Variants in TJP2 observed in about 807,000 individuals in gnomAD.
TJP2 encodes the protein Friedreich ataxia region gene X104 (tight junction protein ZO-2).
A neutral mutation model predicts 133.1 loss-of-function variants in TJP2; 91 were observed. That is an observed-to-expected ratio of 0.68 (90% CI 0.58 to 0.81). TJP2 has a LOEUF of 0.81. TJP2 is among the 40% of genes least tolerant of loss of function. The probability of loss-of-function intolerance (pLI) is 0.00; values close to 1 mark genes in which losing one functional copy is unlikely to be tolerated. For missense variants in TJP2, 1,541 were observed against 1,565.6 expected (o/e 0.98, Z 0.26); for synonymous variants, 592 against 583.4 (o/e 1.01, Z -0.21).
Position 69,237,938 on chromosome 9 carries a change from T to C in TJP2, c.2240T>C (p.Leu747Ser), listed in dbSNP as rs974027851. Residue 747 changes from leucine to serine, a missense_variant, in exon 15 of 23, where the codon TTG (leucine) becomes TCG (serine). Coordinates refer to ENST00000377245, the MANE Select transcript of TJP2 (RefSeq NM_004817.4). ...GPIADIAMEKLANELPDWFQT... is the reference protein window; with the variant it reads ...GPIADIAMEKSANELPDWFQT... ...ATAGCTGATATAGCAATGGAAAAAT[T>C]GGCTAATGAGTTACCTGACTGGTTT... The C allele has an allele frequency of 6.2e-7, 1 of 1,613,934 alleles. No homozygotes were observed. The highest frequency in any genetic ancestry group is 1.3e-5 in the African/African-American group (1 of 75,050).
intron 1 of TJP2, among the ~76,000 whole-genome samples, chr9:69,143,959 T>C (rs1023108803): frequency 6.6e-6 from 1 of 152,192 alleles, no homozygotes; most frequent in Non-Finnish European, 1.5e-5. Context: ...AGATATTAGT[T>C]CTCAAGGTAA....
rs752167675 is a variant in TJP2, at chr9:69,254,472, C to T, written c.*98C>T. On this transcript the variant is annotated 3_prime_UTR_variant, in exon 23 of 23. Coordinates refer to ENST00000377245, the MANE Select transcript of TJP2 (RefSeq NM_004817.4). ...TGGTTCTTCTCCAGTTAGAATGCAC[C>T]ATGGAGACGTGGTGGGACTCCAGCT... 6.7e-7 allele frequency: 1 copy of T among 1,501,624 alleles called. No homozygotes were observed. 93.0% of individuals were successfully genotyped at this position (1,501,624 alleles called of 1,614,324 possible). A position where few individuals can be genotyped will look rare whatever the true frequency, so the allele number is the denominator to read the frequency against.
chr9:69,218,325 A>G lies in TJP2; in HGVS notation c.308A>G (p.Gln103Arg), dbSNP rs778603249. 6.8e-6 allele frequency: 11 copies of G among 1,614,122 alleles called. No individual in the cohort carries two copies. Among genetic ancestry groups the G allele is most frequent in the Non-Finnish European group, 8.5e-6 (10 of 1,180,060 alleles). The change falls in exon 4 of 23, where the codon CAG becomes CGG. Residue 103 changes from glutamine to arginine, a missense_variant. Transcript: ENST00000377245. ...MEDVLHSFAVQQLRKSGKVAA... is the reference protein window; with the variant it reads ...MEDVLHSFAVRQLRKSGKVAA... ...GATGTGCTTCATTCGTTTGCAGTTC[A>G]GCAGCTCAGAAAAAGTGGGAAGGTC...
chr9:69,161,531 C>T (rs1342952350), intron 2 of TJP2, among the ~76,000 whole-genome samples: 1 of 151,948 alleles, frequency 6.6e-6, no homozygotes, highest in African/African-American at 2.4e-5. Context: ...CCGGCCTGAT[C>T]TGTGTTTTAT....
chr9:69,235,489 A>AT (rs1211594369), intron 12 of TJP2, among the ~76,000 whole-genome samples: 2 of 151,620 alleles, frequency 1.3e-5, no homozygotes, highest in Non-Finnish European at 2.9e-5. Flanking sequence ...CGCCCGGCTA[A>AT]TTTTTTGTAT....
chr9:69,130,325 A>T (rs1178438312), intron 1 of TJP2, among the ~76,000 whole-genome samples: 1 of 152,186 alleles, frequency 6.6e-6, no homozygotes, highest in African/African-American at 2.4e-5. Context: ...CTGGATTTAG[A>T]AAAAGAAAAC....
chr9:69,243,103 A>G (rs1830684457), intron 17 of TJP2, among the ~76,000 whole-genome samples: 2 of 152,150 alleles, frequency 1.3e-5, no homozygotes, highest in Admixed American at 6.5e-5. Flanking sequence ...GGCTCAAGCA[A>G]TCTGCCCGTG....
intron 1 of TJP2, among the ~76,000 whole-genome samples, chr9:69,198,415 T>G (rs1355056946): frequency 2.0e-5 from 3 of 152,238 alleles, no homozygotes; most frequent in Admixed American, 6.5e-5. Flanking sequence ...GTGCTGGGAT[T>G]ACAGGCGTGA....
chr9:69,218,463 T>C, intron 4 of TJP2, 104 bp downstream of exon 4: 1 of 817,612 alleles, frequency 1.2e-6, no homozygotes, highest in South Asian at 1.4e-5. Context: ...TTACATAACC[T>C]AGGGACCGCT....
chr9:69,188,996 G>C (rs1273380004), intron 1 of TJP2, among the ~76,000 whole-genome samples: 1 of 152,180 alleles, frequency 6.6e-6, no homozygotes, highest in African/African-American at 2.4e-5. Context: ...AGTTACCTTG[G>C]GGTCAAAGTA....
chr9:69,211,890 A>G (rs1827940800), intron 1 of TJP2, among the ~76,000 whole-genome samples: 1 of 151,714 alleles, frequency 6.6e-6, no homozygotes, highest in African/African-American at 2.4e-5. Context: ...TGTGGTTCTG[A>G]GTGTTCTTGG....
intron 13 of TJP2, 57 bp from the exon 14 acceptor site, chr9:69,236,892 T>TG: frequency 6.4e-7 from 1 of 1,567,340 alleles, no homozygotes; most frequent in Non-Finnish European, 8.8e-7. Flanking sequence ...ATTAATGAAA[T>TG]GCATGTTAGC....
chr9:69,220,035 C>T (rs1486750845), intron 4 of TJP2, among the ~76,000 whole-genome samples: 2 of 152,114 alleles, frequency 1.3e-5, no homozygotes, highest in Non-Finnish European at 2.9e-5. Flanking sequence ...CCTGTAATCC[C>T]AGCTATCGGG....
At chr9:69,219,581 T>A (rs1048025674) in intron 4 of TJP2, among the ~76,000 whole-genome samples, 1 of 152,188 alleles carries the variant, frequency 6.6e-6, no homozygotes, top group African/African-American at 2.4e-5. Context: ...ATCCAGTCCA[T>A]ATCTCAAGAT....
At chr9:69,250,015 A>G (rs977767420) in intron 20 of TJP2, among the ~76,000 whole-genome samples, 2 of 152,210 alleles carry the variant, frequency 1.3e-5, no homozygotes, top group African/African-American at 2.4e-5. Context: ...ATATCAAAAG[A>G]TTATTTACCT....
Position 69,237,988 on chromosome 9 carries a change from GT to G in TJP2, c.2275+24del, listed in dbSNP as rs749189119. 99 of 1,575,782 alleles carry G rather than the reference GT, an allele frequency of 6.3e-5. No individual in the cohort carries two copies. Among genetic ancestry groups the G allele is most frequent in the Middle Eastern group, 1.7e-4 (1 of 5,876 alleles). On this transcript the variant is annotated intron_variant, in intron 15 of 22. Coordinates refer to ENST00000377245, the MANE Select transcript of TJP2 (RefSeq NM_004817.4). ...TCAAACTGCTAGTAAGTCTGTCAGTGTTTTTTTTTCCCCCAAATTTTTATTT... is the reference window on the plus strand; with the variant it reads ...TCAAACTGCTAGTAAGTCTGTCAGTGTTTTTTTTCCCCCAAATTTTTATTT...
At chr9:69,237,807 C>T in intron 14 of TJP2, 71 bp from the exon 15 acceptor site, 6 of 1,096,622 alleles carry the variant, frequency 5.5e-6, no homozygotes, top group Non-Finnish European at 7.0e-6. Context: ...AAAGCCCATA[C>T]AATACTTTTA....
intron 1 of TJP2, among the ~76,000 whole-genome samples, chr9:69,129,829 C>T (rs1468722830): frequency 1.3e-5 from 2 of 151,706 alleles, no homozygotes; most frequent in African/African-American, 4.8e-5. Flanking sequence ...CCAGCCTGGC[C>T]AACATGGTGA....
Position 69,226,026 on chromosome 9 carries a change from A to T in TJP2, c.1061A>T (p.Asn354Ile). The T allele has an allele frequency of 6.2e-7, 1 of 1,614,180 alleles. No individual in the cohort carries two copies. The highest frequency in any genetic ancestry group is 8.5e-7 in the Non-Finnish European group (1 of 1,180,010). Residue 354 changes from asparagine (N) to isoleucine (I), a missense_variant, in exon 7 of 23, where the codon AAT (asparagine) becomes ATT (isoleucine). Physicochemically the swap from Asn to Ile is moderately radical, Grantham distance 149 (BLOSUM62 -3). Transcript: ENST00000377245. The part of the protein sequence containing the change: ...LHEGDIILKI[N>I]GTVTENMSLT... ...TACCATTTTTTATAAACACAGATCA[A>T]TGGGACTGTAACTGAGAACATGTCT... is the stretch of plus-strand genomic sequence containing the variant.
Sources: allele counts gnomAD v4.1 joint callset (sites outside exome capture counted in the v4.1 genomes callset), GRCh38; gene constraint gnomAD v4.1.1; transcripts MANE v1.5; gene names NCBI Gene and HGNC (gene_info 2026-07-23, HGNC 2026-07-21).